TIAM2: variants seen among roughly 807,000 people sequenced by gnomAD.
The protein encoded by TIAM2 is rho guanine nucleotide exchange factor TIAM2.
TIAM2 carries 80 observed loss-of-function variants against 152.9 expected under a neutral mutation model. The ratio of observed to expected loss-of-function variants is 0.52; its 90% CI spans 0.44 to 0.63. TIAM2 has a LOEUF of 0.63. TIAM2 is among the 30% of genes least tolerant of loss of function. The pLI, the probability that TIAM2 is intolerant of heterozygous loss-of-function variation, is 0.00. For synonymous variants in TIAM2, 804 were observed against 838.0 expected (o/e 0.96, Z 0.70); for missense variants, 1,965 against 2,120.1 (o/e 0.93, Z 1.44).
intron 15 of TIAM2, among the ~76,000 whole-genome samples, chr6:155,222,154 A>G (rs1174748324): frequency 1.3e-5 from 2 of 151,706 alleles, no homozygotes; most frequent in Admixed American, 6.6e-5. Flanking sequence ...GGGTTTCACT[A>G]TGTTAGCCAG....
chr6:155,229,603 T>G (rs1030655299), intron 15 of TIAM2, among the ~76,000 whole-genome samples: 1 of 152,200 alleles, frequency 6.6e-6, no homozygotes, highest in African/African-American at 2.4e-5. Context: ...TTGAAAGAAG[T>G]AATTGTTGAA....
chr6:154,998,130 G>A (rs960264154), intron 1 of TIAM2, among the ~76,000 whole-genome samples: 3 of 152,158 alleles, frequency 2.0e-5, no homozygotes, highest in Non-Finnish European at 2.9e-5. Flanking sequence ...ATGGGTGGGC[G>A]TCAGGGATTT....
chr6:155,165,293 A>G lies in TIAM2; in HGVS notation c.2245A>G (p.Lys749Glu). Residue 749 changes from lysine (K) to glutamate (E), a missense_variant, in exon 9 of 27, where the codon AAA becomes GAA. Lys to Glu is a moderately conservative substitution (Grantham distance 56). Coordinates refer to ENST00000682666, the MANE Select transcript of TIAM2 (RefSeq NM_012454.4). The part of the protein sequence containing the change: ...VCSRDDSALR[K>E]RTLSLTQRGR... ...TTCTAGAGATGACTCTGCTCTCCGG[A>G]AAAGGACACTGTCACTGACCCAGCG... The G allele has an allele frequency of 6.2e-7, 1 of 1,613,916 alleles. No individual in the cohort carries two copies. Among genetic ancestry groups the G allele is most frequent in the Non-Finnish European group, 8.5e-7 (1 of 1,179,926 alleles).
At chr6:155,131,895 A>ACCT (rs1441035552) in intron 4 of TIAM2, among the ~76,000 whole-genome samples, 1 of 152,028 alleles carries the variant, frequency 6.6e-6, no homozygotes, top group African/African-American at 2.4e-5. Context: ...TGTAATCTTA[A>ACCT]CCTCCTCATG....
At chr6:155,158,154 T>A (rs1369725258) in intron 7 of TIAM2, among the ~76,000 whole-genome samples, 1 of 152,338 alleles carries the variant, frequency 6.6e-6, no homozygotes, top group East Asian at 1.9e-4. Context: ...AAATGACTAC[T>A]GCGATTAAAT....
At chr6:155,233,687 G>A (rs1782586364) in intron 15 of TIAM2, among the ~76,000 whole-genome samples, 1 of 152,132 alleles carries the variant, frequency 6.6e-6, no homozygotes, top group Admixed American at 6.5e-5. Flanking sequence ...CTGAACTAAA[G>A]GCCCGGCATG....
rs138466573 is a variant in TIAM2 at position 155,154,272 on chromosome 6, T to C, written c.2028+5938T>C. ...TCATTTCTAGCCTAAAAATAGAATG[T>C]GCAATGTAGGTGACATCATGCAACA... On this transcript the variant is annotated intron_variant, in intron 7 of 26. Coordinates refer to ENST00000682666, the MANE Select transcript of TIAM2 (RefSeq NM_012454.4). 6.5e-3 allele frequency among the ~76,000 whole-genome samples: 997 copies of C among 152,326 alleles called. 8 individuals carry two copies. The highest frequency in any genetic ancestry group is 0.027 in the South Asian group (132 of 4,824).
At chr6:155,250,805 C>A in intron 21 of TIAM2, 108 bp from the exon 22 acceptor site, 1 of 1,268,492 alleles carries the variant, frequency 7.9e-7, no homozygotes, top group Non-Finnish European at 1.1e-6. Context: ...AAAATTAAAC[C>A]AGCTGTGCTT....
intron 12 of TIAM2, among the ~76,000 whole-genome samples, chr6:155,181,331 A>AT (rs201595442): frequency 0.046 from 7,050 of 152,152 alleles, 227 homozygotes; most frequent in Middle Eastern, 0.082. Context: ...TCATCCAAGC[A>AT]TTTTTTCACC....
chr6:155,244,556 C>A, intron 17 of TIAM2, 102 bp from the exon 18 acceptor site: 1 of 1,385,854 alleles, frequency 7.2e-7, no homozygotes, highest in Non-Finnish European at 9.9e-7. Flanking sequence ...TCTGCTTTTC[C>A]GTGAAGAATT....
chr6:155,141,251 C>T (rs554465570), intron 5 of TIAM2, among the ~76,000 whole-genome samples: 2 of 152,264 alleles, frequency 1.3e-5, no homozygotes, highest in East Asian at 3.9e-4. Context: ...TTTTCCCCAG[C>T]GTAACCTTTT....
At chr6:155,003,470 ACT>A (rs769168706) in intron 1 of TIAM2, among the ~76,000 whole-genome samples, 22 of 152,042 alleles carry the variant, frequency 1.4e-4, no homozygotes, top group Non-Finnish European at 2.6e-4. Flanking sequence ...ACAGAGTGAG[ACT>A]CTGTCTCAAA....
chr6:155,012,118 AGT>A (rs990260668), intron 1 of TIAM2, among the ~76,000 whole-genome samples: 2 of 152,220 alleles, frequency 1.3e-5, no homozygotes, highest in African/African-American at 4.8e-5. Context: ...AATAACATAC[AGT>A]GTTTGAATAG....
At chr6:155,089,388 G>A (rs1401964873) in intron 1 of TIAM2, among the ~76,000 whole-genome samples, 2 of 152,154 alleles carry the variant, frequency 1.3e-5, no homozygotes, top group Admixed American at 1.3e-4. Flanking sequence ...TGTGTTTTTA[G>A]TAGAGACGGG....
intron 19 of TIAM2, among the ~76,000 whole-genome samples, chr6:155,246,280 A>T (rs981545964): frequency 6.6e-6 from 1 of 152,090 alleles, no homozygotes; most frequent in Non-Finnish European, 1.5e-5. Context: ...GTGCTCATTC[A>T]TGTCCACGGA....
chr6:155,135,316 A>G (rs1429137769), intron 4 of TIAM2, among the ~76,000 whole-genome samples: 2 of 151,562 alleles, frequency 1.3e-5, no homozygotes, highest in African/African-American at 2.4e-5. Context: ...TGAAAAGGAA[A>G]CCTCTCTATA....
chr6:155,180,311 G>T (rs1269135354), intron 12 of TIAM2, among the ~76,000 whole-genome samples: 1 of 152,024 alleles, frequency 6.6e-6, no homozygotes, highest in African/African-American at 2.4e-5. Flanking sequence ...CAAAAAAACA[G>T]TTAAGGGTCA....
intron 19 of TIAM2, among the ~76,000 whole-genome samples, chr6:155,247,797 C>T (rs1783422549): frequency 1.3e-5 from 2 of 152,228 alleles, no homozygotes; most frequent in African/African-American, 4.8e-5. Context: ...AAGCTCCCAG[C>T]ACTCCAGGGC....
chr6:155,200,161 T>A (rs961902744), intron 14 of TIAM2, among the ~76,000 whole-genome samples: 5 of 152,234 alleles, frequency 3.3e-5, no homozygotes, highest in Admixed American at 2.6e-4. Flanking sequence ...TTGCTGATAG[T>A]CCTTGTCTTC....
Sources: allele counts gnomAD v4.1 joint callset (sites outside exome capture counted in the v4.1 genomes callset), GRCh38; gene constraint gnomAD v4.1.1; transcripts MANE v1.5; gene names NCBI Gene and HGNC (gene_info 2026-07-23, HGNC 2026-07-21).